CCSER1: variants seen among roughly 807,000 people sequenced by gnomAD.
CCSER1 encodes the protein coiled-coil serine rich protein 1.
In CCSER1, 41 loss-of-function variants were observed where a neutral mutation model predicts 82.0. The observed-to-expected ratio is 0.50, with a 90% CI of 0.39 to 0.65. The LOEUF (loss-of-function observed/expected upper bound fraction) is 0.65. Ranked by LOEUF, CCSER1 falls within the 30% of genes least tolerant of loss-of-function variation. The pLI, the probability that CCSER1 is intolerant of heterozygous loss-of-function variation, is 0.00. For synonymous variants in CCSER1, 414 were observed against 383.9 expected, an observed-to-expected ratio of 1.08 and a Z score of -0.92; for missense variants, 1,119 against 1,064.2, an observed-to-expected ratio of 1.05 and a Z score of -0.72.
At chr4:91,487,233 T>G (rs1013955091) in intron 10 of CCSER1, among the ~76,000 whole-genome samples, 7 of 152,118 alleles carry the variant, frequency 4.6e-5, no homozygotes. Flanking sequence ...AGTTCTTCCT[T>G]TCAACTTTTT....
intron 10 of CCSER1, among the ~76,000 whole-genome samples, chr4:91,203,896 G>T (rs1335694177): frequency 9.9e-5 from 15 of 151,856 alleles, no homozygotes; most frequent in Non-Finnish European, 2.2e-4. Flanking sequence ...AGTAGTAAAA[G>T]ATTAGTGTCT....
intron 9 of CCSER1, among the ~76,000 whole-genome samples, chr4:90,934,629 A>G (rs911512921): frequency 1.3e-5 from 2 of 152,186 alleles, no homozygotes; most frequent in African/African-American, 2.4e-5. Flanking sequence ...AGAAGATGCT[A>G]TTAAAAATTG....
intron 10 of CCSER1, among the ~76,000 whole-genome samples, chr4:91,488,030 ATT>A (rs1758315839): frequency 6.6e-6 from 1 of 152,116 alleles, no homozygotes. Context: ...TTTAAGAAAT[ATT>A]TTATAGAAAG....
chr4:90,639,268 A>G (rs1029812629), intron 6 of CCSER1, among the ~76,000 whole-genome samples: 7 of 151,732 alleles, frequency 4.6e-5, no homozygotes, highest in Non-Finnish European at 8.8e-5. Flanking sequence ...AATATCAATC[A>G]ATATTGAATC....
intron 10 of CCSER1, among the ~76,000 whole-genome samples, chr4:91,394,736 C>T (rs1321709455): frequency 6.6e-6 from 1 of 151,944 alleles, no homozygotes; most frequent in Non-Finnish European, 1.5e-5. Flanking sequence ...AAGTATAAAA[C>T]AGCAGTTAAA....
intron 8 of CCSER1, among the ~76,000 whole-genome samples, chr4:90,835,495 G>A (rs59340785): frequency 0.065 from 9,861 of 152,062 alleles, 652 homozygotes; most frequent in African/African-American, 0.17. Flanking sequence ...ATTTATTACC[G>A]TGGAGCCATG....
chr4:91,558,774 C>T (rs987512735), intron 10 of CCSER1, among the ~76,000 whole-genome samples: 2 of 151,536 alleles, frequency 1.3e-5, no homozygotes, highest in African/African-American at 4.8e-5. Context: ...AGACTGGCCC[C>T]CATGGTTCAA....
intron 10 of CCSER1, among the ~76,000 whole-genome samples, chr4:91,471,870 TG>T (rs1757291654): frequency 6.7e-6 from 1 of 149,062 alleles, no homozygotes; most frequent in African/African-American, 2.5e-5. Flanking sequence ...CTCATGAGAC[TG>T]AGGCAGGAGA....
At chr4:90,826,118 TTA>T (rs1178896831) in intron 8 of CCSER1, among the ~76,000 whole-genome samples, 1 of 152,232 alleles carries the variant, frequency 6.6e-6, no homozygotes, top group African/African-American at 2.4e-5. Flanking sequence ...GGAAACTTCC[TTA>T]TTATGCCCAA....
intron 1 of CCSER1, among the ~76,000 whole-genome samples, chr4:90,152,833 G>C (rs1240826059): frequency 6.6e-6 from 1 of 151,738 alleles, no homozygotes; most frequent in Non-Finnish European, 1.5e-5. Context: ...AGCATGCTCA[G>C]AGTTGCTTTT....
intron 5 of CCSER1, among the ~76,000 whole-genome samples, chr4:90,596,624 A>G (rs890072471): frequency 6.6e-6 from 1 of 151,858 alleles, no homozygotes; most frequent in Non-Finnish European, 1.5e-5. Flanking sequence ...GGTACAATCA[A>G]TATGAGGAAA....
At position 90,317,193 on chromosome 4, in the gene CCSER1, A is replaced by G. The variant is rs545112817; in HGVS notation, c.1509+4146A>G. 2.5e-4 allele frequency among the ~76,000 whole-genome samples: 38 copies of G among 152,346 alleles called. No homozygotes were observed. The South Asian group carries it at 4.6e-3, about 18-fold the overall frequency. Reference sequence around the variant, plus strand: ...GGAATTCTAACTCTAAATATTTACAAGATTACTCTCTAAAAAAGTTAATGT... The same window carrying G: ...GGAATTCTAACTCTAAATATTTACAGGATTACTCTCTAAAAAAGTTAATGT... On this transcript the variant is annotated intron_variant, in intron 3 of 10. Transcript: ENST00000509176.
intron 7 of CCSER1, among the ~76,000 whole-genome samples, chr4:90,799,347 G>T (rs1489392067): frequency 6.6e-6 from 1 of 152,158 alleles, no homozygotes; most frequent in Non-Finnish European, 1.5e-5. Flanking sequence ...TTGGCGGAGG[G>T]TGGGGGACAG....
At chr4:90,533,309 A>T (rs547545608) in intron 5 of CCSER1, among the ~76,000 whole-genome samples, 1 of 151,760 alleles carries the variant, frequency 6.6e-6, no homozygotes, top group South Asian at 2.1e-4. Context: ...GTTAGCCAGG[A>T]TGGTCTCCAT....
intron 4 of CCSER1, among the ~76,000 whole-genome samples, chr4:90,456,545 GC>G (rs925875121): frequency 6.6e-6 from 1 of 152,116 alleles, no homozygotes; most frequent in African/African-American, 2.4e-5. Context: ...ACCCTCATTT[GC>G]CCCAGGACCT....
At chr4:90,341,270 G>C (rs1417507443) in intron 3 of CCSER1, among the ~76,000 whole-genome samples, 1 of 152,032 alleles carries the variant, frequency 6.6e-6, no homozygotes, top group Non-Finnish European at 1.5e-5. Flanking sequence ...GAAGTGCTTA[G>C]CTCTGTGATC....
intron 9 of CCSER1, among the ~76,000 whole-genome samples, chr4:90,991,452 G>C (rs532567599): frequency 4.9e-4 from 74 of 151,822 alleles, no homozygotes; most frequent in Non-Finnish European, 9.1e-4. Flanking sequence ...GTACTTCCAC[G>C]TATCCACTTC....
At chr4:90,452,317 C>T (rs1761563912) in intron 4 of CCSER1, among the ~76,000 whole-genome samples, 3 of 152,184 alleles carry the variant, frequency 2.0e-5, no homozygotes. Flanking sequence ...TAGGGAGAGA[C>T]AGTTTCTTAA....
At chr4:91,420,145 G>A (rs1222397683) in intron 10 of CCSER1, among the ~76,000 whole-genome samples, 2 of 152,010 alleles carry the variant, frequency 1.3e-5, no homozygotes, top group Non-Finnish European at 2.9e-5. Flanking sequence ...TCTTGGCAAT[G>A]GTTTCTTGGA....
Sources: gnomAD v4.1 joint callset for allele counts (sites outside exome capture counted in the v4.1 genomes callset) on GRCh38, gnomAD v4.1.1 for gene constraint, MANE v1.5 for transcripts, NCBI Gene and HGNC (gene_info 2026-07-23, HGNC 2026-07-21) for gene names.